The following RNF150 variants were observed in gnomAD, a reference collection of about 807,000 sequenced individuals.
RNF150 encodes the protein ring finger protein 150.
A neutral mutation model predicts 39.3 loss-of-function variants in RNF150; 24 were observed. The ratio of observed to expected loss-of-function variants is 0.61; its 90% CI spans 0.44 to 0.86. RNF150 has a LOEUF of 0.86. Ranked by LOEUF, RNF150 falls within the 40% of genes least tolerant of loss-of-function variation. The probability of loss-of-function intolerance (pLI) is 0.00; values close to 1 mark genes in which losing one functional copy is unlikely to be tolerated. For synonymous variants in RNF150, 255 were observed against 227.3 expected (o/e 1.12, Z -1.10); for missense variants, 502 against 587.8 (o/e 0.85, Z 1.51).
chr4:141,177,067 A>AC (rs1189802910), intron 1 of RNF150, among the ~76,000 whole-genome samples: 1 of 151,440 alleles, frequency 6.6e-6, no homozygotes, highest in African/African-American at 2.4e-5. Context: ...AAAAAAAAAA[A>AC]AAAAAAACAA....
At chr4:141,163,066 T>C (rs1475176309) in intron 1 of RNF150, among the ~76,000 whole-genome samples, 1 of 152,184 alleles carries the variant, frequency 6.6e-6, no homozygotes, top group Non-Finnish European at 1.5e-5. Context: ...GAAATTCTCA[T>C]TGCCAGCACA....
At position 140,896,910 on chromosome 4, in the gene RNF150, A is replaced by C. The variant is rs151064681; in HGVS notation, c.1198+14234T>G. Reference sequence around the variant, plus strand: ...TATTATAATAATCAAAAGGCAGCAGACTTCCCCAGATAGCAATGTTGGCTG... The same window carrying C: ...TATTATAATAATCAAAAGGCAGCAGCCTTCCCCAGATAGCAATGTTGGCTG... On this transcript the variant is annotated intron_variant, in intron 6 of 6. Transcript: ENST00000515673. Among the ~76,000 whole-genome samples, 781 of 152,252 alleles carry C rather than the reference A, an allele frequency of 5.1e-3. 7 individuals are homozygous for C. The highest frequency in any genetic ancestry group is 0.018 in the African/African-American group (740 of 41,542).
intron 1 of RNF150, among the ~76,000 whole-genome samples, chr4:141,060,658 T>C (rs867716772): frequency 6.6e-6 from 1 of 152,176 alleles, no homozygotes; most frequent in African/African-American, 2.4e-5. Context: ...TAAAAAGATA[T>C]GAAAAACCCC....
intron 1 of RNF150, among the ~76,000 whole-genome samples, chr4:141,118,783 CAG>C (rs1398207945): frequency 6.6e-6 from 1 of 152,068 alleles, no homozygotes; most frequent in African/African-American, 2.4e-5. Flanking sequence ...ATTTTTGAGA[CAG>C]AGTCTCACTC....
intron 2 of RNF150, among the ~76,000 whole-genome samples, chr4:140,965,741 G>C (rs1733214389): frequency 6.6e-6 from 1 of 152,070 alleles, no homozygotes; most frequent in Non-Finnish European, 1.5e-5. Flanking sequence ...TAAACAAGCG[G>C]TTACCGGAGT....
intron 6 of RNF150, among the ~76,000 whole-genome samples, chr4:140,890,109 C>T (rs1479471140): frequency 6.6e-6 from 1 of 152,156 alleles, no homozygotes; most frequent in Non-Finnish European, 1.5e-5. Context: ...CTTCCAGTAT[C>T]TTTCATGCAA....
chr4:141,047,949 C>T (rs998613353), intron 1 of RNF150, among the ~76,000 whole-genome samples: 1 of 152,070 alleles, frequency 6.6e-6, no homozygotes, highest in Non-Finnish European at 1.5e-5. Context: ...AGCAATTAAT[C>T]AGAGGAAAAG....
At chr4:140,977,916 G>A (rs1461951780) in intron 1 of RNF150, among the ~76,000 whole-genome samples, 3 of 152,036 alleles carry the variant, frequency 2.0e-5, no homozygotes, top group Non-Finnish European at 4.4e-5. Flanking sequence ...TCTACACTAG[G>A]GAGAAGTTAG....
rs1432486234 is a variant in RNF150 at position 140,988,871 on chromosome 4, G to A, written c.485-20998C>T. 1.4e-4 allele frequency among the ~76,000 whole-genome samples: 22 copies of A among 152,130 alleles called. 1 individual carries two copies. The highest frequency in any genetic ancestry group is 1.4e-3 in the Admixed American group (22 of 15,270). On this transcript the variant is annotated intron_variant, in intron 1 of 6. Coordinates refer to ENST00000515673, the MANE Select transcript of RNF150 (RefSeq NM_020724.2). ...CTTTGTAGGGACATGGATGAAGCTGGAAACCATCATTCTCAGCAAATTATC... is the reference window on the plus strand; with the variant it reads ...CTTTGTAGGGACATGGATGAAGCTGAAAACCATCATTCTCAGCAAATTATC...
At chr4:141,142,367 A>G (rs1437438368) in intron 1 of RNF150, among the ~76,000 whole-genome samples, 3 of 152,142 alleles carry the variant, frequency 2.0e-5, no homozygotes, top group African/African-American at 4.8e-5. Context: ...AGTCCTTACC[A>G]TGATCTCCTC....
intron 1 of RNF150, among the ~76,000 whole-genome samples, chr4:141,139,565 G>T (rs188113979): frequency 6.6e-6 from 1 of 152,212 alleles, no homozygotes; most frequent in Non-Finnish European, 1.5e-5. Context: ...TATTCTCAGC[G>T]TCTGCTGCAG....
At chr4:141,138,710 C>T (rs1433737116) in intron 1 of RNF150, among the ~76,000 whole-genome samples, 1 of 152,152 alleles carries the variant, frequency 6.6e-6, no homozygotes, top group Non-Finnish European at 1.5e-5. Context: ...GAATCTCAGG[C>T]CTGCCACATG....
At chr4:141,158,399 AC>A (rs1456540056) in intron 1 of RNF150, among the ~76,000 whole-genome samples, 1 of 151,996 alleles carries the variant, frequency 6.6e-6, no homozygotes, top group Non-Finnish European at 1.5e-5. Context: ...AATATAAAGT[AC>A]TATGACCAGT....
At chr4:141,128,683 A>G (rs901511506) in intron 1 of RNF150, among the ~76,000 whole-genome samples, 11 of 152,066 alleles carry the variant, frequency 7.2e-5, no homozygotes, top group South Asian at 2.1e-4. Flanking sequence ...ATGTCCCTTA[A>G]TAGGGGACAT....
intron 1 of RNF150, among the ~76,000 whole-genome samples, chr4:141,211,679 T>TG (rs1302629789): frequency 8.6e-6 from 1 of 116,094 alleles, no homozygotes; most frequent in East Asian, 5.5e-4. Flanking sequence ...TAACTTACTT[T>TG]GTTTTTTTTT....
chr4:141,162,905 C>A (rs1365271044), intron 1 of RNF150, among the ~76,000 whole-genome samples: 1 of 152,168 alleles, frequency 6.6e-6, no homozygotes, highest in Non-Finnish European at 1.5e-5. Flanking sequence ...GAGCTAGCTG[C>A]AAGAGTGTTT....
chr4:141,068,228 A>T (rs1262341313), intron 1 of RNF150, among the ~76,000 whole-genome samples: 1 of 152,228 alleles, frequency 6.6e-6, no homozygotes, highest in Non-Finnish European at 1.5e-5. Flanking sequence ...TACAGGCATG[A>T]GCCACCATGT....
chr4:141,163,937 C>G (rs1727555420), intron 1 of RNF150, among the ~76,000 whole-genome samples: 1 of 152,030 alleles, frequency 6.6e-6, no homozygotes, highest in Non-Finnish European at 1.5e-5. Context: ...GGGAACAAAA[C>G]TGGATGGAGA....
intron 1 of RNF150, among the ~76,000 whole-genome samples, chr4:141,095,346 C>T (rs1383164476): frequency 6.6e-6 from 1 of 152,074 alleles, no homozygotes; most frequent in African/African-American, 2.4e-5. Context: ...GAAGAAGGCC[C>T]TATGTAGAGA....
Sources: allele counts gnomAD v4.1 joint callset (sites outside exome capture counted in the v4.1 genomes callset), GRCh38; gene constraint gnomAD v4.1.1; transcripts MANE v1.5; gene names NCBI Gene and HGNC (gene_info 2026-07-23, HGNC 2026-07-21).